Variants in NRG3 observed in about 807,000 individuals in gnomAD.
NRG3 encodes the protein neuregulin 3, also known as pro-neuregulin-3, membrane-bound isoform.
A neutral mutation model predicts 66.9 loss-of-function variants in NRG3; 31 were observed. The observed-to-expected ratio is 0.46, with a 90% CI of 0.35 to 0.63. The LOEUF is 0.63. NRG3 is among the 20% of genes least tolerant of loss of function. The pLI, the probability that NRG3 is intolerant of heterozygous loss-of-function variation, is 0.00. For missense variants in NRG3, 910 were observed against 878.9 expected, an observed-to-expected ratio of 1.04 and a Z score of -0.45; for synonymous variants, 393 against 359.4, an observed-to-expected ratio of 1.09 and a Z score of -1.06.
At chr10:82,780,253 G>A (rs1360338727) in intron 3 of NRG3, among the ~76,000 whole-genome samples, 5 of 151,912 alleles carry the variant, frequency 3.3e-5, no homozygotes, top group African/African-American at 1.2e-4. Flanking sequence ...GGGATTGCTG[G>A]GTTAAATAGT....
intron 2 of NRG3, among the ~76,000 whole-genome samples, chr10:82,530,779 A>G (rs983741909): frequency 7.2e-5 from 11 of 151,812 alleles, no homozygotes. Flanking sequence ...GAATATCTTG[A>G]CTCACTGAAA....
At chr10:82,922,515 T>G (rs1846536410) in intron 4 of NRG3, among the ~76,000 whole-genome samples, 1 of 152,204 alleles carries the variant, frequency 6.6e-6, no homozygotes, top group Non-Finnish European at 1.5e-5. Context: ...TTACAGGTCC[T>G]GTATATCATG....
At chr10:81,891,882 T>G (rs1843039866) in intron 1 of NRG3, among the ~76,000 whole-genome samples, 1 of 152,130 alleles carries the variant, frequency 6.6e-6, no homozygotes, top group Non-Finnish European at 1.5e-5. Context: ...AAATTTGAGA[T>G]TAGAATCTTA....
intron 4 of NRG3, among the ~76,000 whole-genome samples, chr10:82,938,675 C>T (rs1298048563): frequency 1.3e-5 from 2 of 152,160 alleles, no homozygotes; most frequent in Non-Finnish European, 2.9e-5. Flanking sequence ...TTGTGTGTTA[C>T]CTTGGTCCTG....
intron 1 of NRG3, among the ~76,000 whole-genome samples, chr10:82,045,590 T>G (rs2063246123): frequency 1.4e-5 from 1 of 73,834 alleles, no homozygotes; most frequent in African/African-American, 4.6e-5. Context: ...CATTTGTCAA[T>G]TATGGCTTTT....
intron 2 of NRG3, among the ~76,000 whole-genome samples, chr10:82,433,840 TG>T (rs1318985372): frequency 6.6e-6 from 1 of 152,222 alleles, no homozygotes; most frequent in African/African-American, 2.4e-5. Context: ...CTTGCTGTTT[TG>T]GTTGCTGTAG....
chr10:82,230,568 T>TTTTAAA (rs2076406232), intron 1 of NRG3, among the ~76,000 whole-genome samples: 1 of 151,710 alleles, frequency 6.6e-6, no homozygotes, highest in Non-Finnish European at 1.5e-5. Flanking sequence ...GCTCAGAATC[T>TTTTAAA]AGTTGCCAGA....
intron 1 of NRG3, among the ~76,000 whole-genome samples, chr10:81,996,910 C>T (rs2060961414): frequency 6.6e-6 from 1 of 151,778 alleles, no homozygotes; most frequent in African/African-American, 2.4e-5. Flanking sequence ...AATGGTATCT[C>T]ACATAAATGT....
At chr10:81,933,713 A>G (rs1847603567) in intron 1 of NRG3, among the ~76,000 whole-genome samples, 1 of 152,220 alleles carries the variant, frequency 6.6e-6, no homozygotes, top group Non-Finnish European at 1.5e-5. Context: ...TTGGTACAAG[A>G]TGAAAGTGTA....
At chr10:82,111,374 T>C (rs906777838) in intron 1 of NRG3, among the ~76,000 whole-genome samples, 8 of 152,218 alleles carry the variant, frequency 5.3e-5, no homozygotes, top group Non-Finnish European at 1.2e-4. Flanking sequence ...ACCCTGATGA[T>C]AGATCATACA....
chr10:82,803,721 A>C lies in NRG3; in HGVS notation c.1028-61690A>C, dbSNP rs138182096. On this transcript the variant is annotated intron_variant, in intron 3 of 8. Coordinates refer to ENST00000372141, the MANE Select transcript of NRG3 (RefSeq NM_001010848.4). ...CAGACATGCCCATGATGAAGCGTAAATATGTATTTTGAGTTATAAAATGAA... is the reference window on the plus strand; with the variant it reads ...CAGACATGCCCATGATGAAGCGTAACTATGTATTTTGAGTTATAAAATGAA... Among the ~76,000 whole-genome samples, 323 of 152,312 alleles carry C rather than the reference A, an allele frequency of 2.1e-3. 1 individual carries two copies. The highest frequency in any genetic ancestry group is 7.5e-3 in the African/African-American group (310 of 41,558).
chr10:81,923,397 G>A (rs1846452375), intron 1 of NRG3, among the ~76,000 whole-genome samples: 1 of 151,990 alleles, frequency 6.6e-6, no homozygotes, highest in South Asian at 2.1e-4. Context: ...AGTAGAGACG[G>A]GGTTTCATCG....
intron 1 of NRG3, among the ~76,000 whole-genome samples, chr10:82,263,261 G>C (rs1204216637): frequency 6.6e-6 from 1 of 152,078 alleles, no homozygotes; most frequent in Non-Finnish European, 1.5e-5. Flanking sequence ...AGATAGAGAT[G>C]ATTGAATTAG....
intron 3 of NRG3, among the ~76,000 whole-genome samples, chr10:82,826,652 G>T (rs1345673122): frequency 1.3e-5 from 2 of 152,122 alleles, no homozygotes; most frequent in African/African-American, 4.8e-5. Flanking sequence ...GCAAAATAAT[G>T]CAGGAAGAGA....
At chr10:82,032,974 A>C (rs1418836973) in intron 1 of NRG3, among the ~76,000 whole-genome samples, 1 of 152,118 alleles carries the variant, frequency 6.6e-6, no homozygotes, top group Non-Finnish European at 1.5e-5. Flanking sequence ...AATGACCCTC[A>C]TGCTGATATA....
chr10:82,215,267 G>A (rs539715829), intron 1 of NRG3, among the ~76,000 whole-genome samples: 9 of 152,188 alleles, frequency 5.9e-5, no homozygotes, highest in East Asian at 5.8e-4. Flanking sequence ...GAATTTCTTC[G>A]GTGATAGCAA....
At chr10:82,227,916 C>A (rs2076249110) in intron 1 of NRG3, among the ~76,000 whole-genome samples, 1 of 152,238 alleles carries the variant, frequency 6.6e-6, no homozygotes, top group East Asian at 1.9e-4. Context: ...AAGGGACTTA[C>A]CACTTAATTT....
chr10:82,131,205 G>C (rs1000770009), intron 1 of NRG3, among the ~76,000 whole-genome samples: 4 of 152,064 alleles, frequency 2.6e-5, no homozygotes, highest in Non-Finnish European at 5.9e-5. Context: ...AATCCATTTT[G>C]ATTTGATTTC....
intron 2 of NRG3, among the ~76,000 whole-genome samples, chr10:82,433,050 C>T (rs992175550): frequency 2.6e-5 from 4 of 152,148 alleles, no homozygotes; most frequent in South Asian, 2.1e-4. Flanking sequence ...CTGTATTCCA[C>T]GATGGTTGAA....
Sources: gnomAD v4.1 joint callset for allele counts (sites outside exome capture counted in the v4.1 genomes callset) on GRCh38, gnomAD v4.1.1 for gene constraint, MANE v1.5 for transcripts, NCBI Gene and HGNC (gene_info 2026-07-23, HGNC 2026-07-21) for gene names.